Variants in EFCAB8 observed in about 807,000 individuals in gnomAD.
EFCAB8 encodes the protein EF-hand calcium binding domain 8, also known as EF-hand calcium-binding domain-containing protein 8.
EFCAB8 carries 100 observed loss-of-function variants against 116.3 expected under a neutral mutation model. That is an observed-to-expected ratio of 0.86 (90% CI 0.73 to 1.02). The LOEUF (loss-of-function observed/expected upper bound fraction) is 1.02. Ranked by LOEUF, EFCAB8 falls within the 50% of genes least tolerant of loss-of-function variation. EFCAB8 has a pLI of 0.00. For missense variants in EFCAB8, 1,320 were observed against 1,416.9 expected (o/e 0.93, Z 1.10); for synonymous variants, 558 against 567.9 (o/e 0.98, Z 0.25).
At chr20:32,938,052 T>C (rs1568940907) in intron 22 of EFCAB8, among the ~76,000 whole-genome samples, 3 of 149,900 alleles carry the variant, frequency 2.0e-5, no homozygotes, top group Non-Finnish European at 4.4e-5. Context: ...TGAATATAGA[T>C]ACAAAAATCT....
chr20:32,908,301 C>CTACA lies in EFCAB8; in HGVS notation c.1338_1341dup (p.Cys448HisfsTer72), dbSNP rs1986771753. The CTACA allele has an allele frequency of 8.0e-7, 1 of 1,249,816 alleles. No individual in the cohort carries two copies. Among genetic ancestry groups the CTACA allele is most frequent in the African/African-American group, 1.6e-5 (1 of 64,466 alleles). 77.4% of individuals were successfully genotyped at this position (1,249,816 alleles called of 1,614,324 possible). Reference sequence around the variant, plus strand: ...ATATTCGCGTGTGGGACATGCTGGACTACATATGCCTCCAGTCCTTCTGTG... The same window carrying CTACA: ...ATATTCGCGTGTGGGACATGCTGGACTACATACATATGCCTCCAGTCCTTCTGTG... On this transcript the variant is annotated frameshift_variant, in exon 14 of 27. Transcript: ENST00000400522. LOFTEE classifies it high-confidence loss of function.
At chr20:32,881,614 C>A (rs1296105387) in intron 5 of EFCAB8, among the ~76,000 whole-genome samples, 1 of 152,142 alleles carries the variant, frequency 6.6e-6, no homozygotes, top group Admixed American at 6.6e-5. Context: ...CTCCATTTGT[C>A]ATTTATTTTT....
At chr20:32,875,207 G>T (rs147556833) in intron 3 of EFCAB8, among the ~76,000 whole-genome samples, 4 of 152,154 alleles carry the variant, frequency 2.6e-5, no homozygotes, top group African/African-American at 7.2e-5. Context: ...CAGGACTTGT[G>T]GGGTGGTTGA....
At chr20:32,862,658 G>A (rs371990953) in intron 1 of EFCAB8, among the ~76,000 whole-genome samples, 18 of 151,852 alleles carry the variant, frequency 1.2e-4, no homozygotes, top group East Asian at 3.9e-4. Context: ...ACAGAGTCTT[G>A]CTCTTGTTGC....
intron 23 of EFCAB8, among the ~76,000 whole-genome samples, chr20:32,947,284 T>C (rs1988625515): frequency 6.6e-6 from 1 of 152,238 alleles, no homozygotes; most frequent in South Asian, 2.1e-4. Flanking sequence ...GAGATTTCAA[T>C]ATTCTCTCAA....
chr20:32,866,192 G>T (rs749816544), intron 2 of EFCAB8, among the ~76,000 whole-genome samples: 2 of 152,088 alleles, frequency 1.3e-5, no homozygotes, highest in African/African-American at 2.4e-5. Flanking sequence ...GTGTGTAGAC[G>T]CTGGGCTAAT....
intron 6 of EFCAB8, among the ~76,000 whole-genome samples, chr20:32,886,125 G>A (rs1985616059): frequency 6.6e-6 from 1 of 152,202 alleles, no homozygotes; most frequent in South Asian, 2.1e-4. Context: ...TGTACCACCT[G>A]CAAGCTCTGT....
rs542319014 is a variant in EFCAB8, at chr20:32,886,014, C to T, written c.567+374C>T. ...GGGTCAGCCACTCCCACGCTGTCCCCACGTCCTACCGATTCAGGCCTTTTG... is the reference window on the plus strand; with the variant it reads ...GGGTCAGCCACTCCCACGCTGTCCCTACGTCCTACCGATTCAGGCCTTTTG... On this transcript the variant is annotated intron_variant, in intron 6 of 26. Transcript: ENST00000400522. Among the ~76,000 whole-genome samples the T allele has an allele frequency of 3.3e-5, 5 of 152,324 alleles. No homozygotes were observed. The East Asian group carries it at 9.6e-4, about 29-fold the overall frequency.
chr20:32,917,655 G>A, intron 18 of EFCAB8, 150 bp downstream of exon 18: 1 of 846,836 alleles, frequency 1.2e-6, no homozygotes, highest in Admixed American at 2.7e-5. Context: ...TTAGGTAGGT[G>A]GTAGTTTCTG....
chr20:32,912,886 T>C, intron 17 of EFCAB8, 22 bp downstream of exon 17: 1 of 716,942 alleles, frequency 1.4e-6, no homozygotes, highest in South Asian at 1.5e-5. Flanking sequence ...GCATGTATGG[T>C]GAGTAGGTTC....
intron 22 of EFCAB8, among the ~76,000 whole-genome samples, chr20:32,942,125 C>T (rs965966610): frequency 2.0e-5 from 3 of 151,996 alleles, no homozygotes; most frequent in African/African-American, 7.3e-5. Context: ...TAGTGGTATT[C>T]ATCTGAGGAT....
At chr20:32,920,489 C>T (rs990205747) in intron 20 of EFCAB8, among the ~76,000 whole-genome samples, 5 of 152,164 alleles carry the variant, frequency 3.3e-5, no homozygotes, top group Admixed American at 2.6e-4. Context: ...CTTATAGTTC[C>T]ATATGGCTGG....
chr20:32,864,200 C>A (rs1166756825), intron 2 of EFCAB8, among the ~76,000 whole-genome samples: 2 of 150,984 alleles, frequency 1.3e-5, no homozygotes, highest in Non-Finnish European at 3.0e-5. Flanking sequence ...TGGTCTCAAA[C>A]TCCTGACCTC....
At chr20:32,953,953 G>A (rs1043538083) in intron 23 of EFCAB8, among the ~76,000 whole-genome samples, 1 of 152,116 alleles carries the variant, frequency 6.6e-6, no homozygotes, top group Non-Finnish European at 1.5e-5. Context: ...TGGGCTTACA[G>A]GCCCACCACA....
intron 7 of EFCAB8, among the ~76,000 whole-genome samples, chr20:32,891,776 C>T (rs1364601795): frequency 6.6e-6 from 1 of 151,524 alleles, no homozygotes; most frequent in Non-Finnish European, 1.5e-5. Context: ...GACGGTGAGG[C>T]TGTTGCTCAT....
chr20:32,898,292 A>G (rs1986260745), intron 10 of EFCAB8: 4 of 499,166 alleles, frequency 8.0e-6, no homozygotes, highest in African/African-American at 3.8e-5. Context: ...AAAAATTTTC[A>G]GTGACGAGAG....
At chr20:32,891,085 C>T (rs1188916744) in intron 7 of EFCAB8, among the ~76,000 whole-genome samples, 1 of 152,158 alleles carries the variant, frequency 6.6e-6, no homozygotes, top group Admixed American at 6.5e-5. Flanking sequence ...CCTCAGACAG[C>T]CCTGAGAATT....
chr20:32,916,818 A>T (rs1409682262), intron 17 of EFCAB8, among the ~76,000 whole-genome samples: 1 of 152,068 alleles, frequency 6.6e-6, no homozygotes, highest in Non-Finnish European at 1.5e-5. Context: ...GAATGGGTGG[A>T]AACCTGATTT....
intron 20 of EFCAB8, among the ~76,000 whole-genome samples, chr20:32,928,123 T>C (rs1987744446): frequency 6.6e-6 from 1 of 152,240 alleles, no homozygotes; most frequent in Non-Finnish European, 1.5e-5. Flanking sequence ...TAATGTCCTC[T>C]TTGATTAATT....
Sources: gnomAD v4.1 joint callset for allele counts (sites outside exome capture counted in the v4.1 genomes callset) on GRCh38, gnomAD v4.1.1 for gene constraint, MANE v1.5 for transcripts, NCBI Gene and HGNC (gene_info 2026-07-23, HGNC 2026-07-21) for gene names.